Variants in NDUFAF6 observed in about 807,000 individuals in gnomAD.
NDUFAF6 encodes the protein NADH:ubiquinone oxidoreductase complex assembly factor 6.
NDUFAF6 carries 45 observed loss-of-function variants against 40.8 expected under a neutral mutation model. That is an observed-to-expected ratio of 1.10 (90% CI 0.87 to 1.42). The LOEUF (loss-of-function observed/expected upper bound fraction) is 1.42. Among genes scored for constraint, NDUFAF6 ranks in the 40% most tolerant of loss-of-function variants. The pLI is 0.00. For synonymous variants in NDUFAF6, 185 were observed against 155.9 expected (o/e 1.19, Z -1.39); for missense variants, 435 against 418.5 (o/e 1.04, Z -0.34).
At chr8:94,990,703 C>G (rs1826154382) in intron 2 of NDUFAF6, among the ~76,000 whole-genome samples, 1 of 152,208 alleles carries the variant, frequency 6.6e-6, no homozygotes, top group Non-Finnish European at 1.5e-5. Context: ...GAAAATAAAG[C>G]TGGCTTAAGA....
chr8:95,115,158 C>A (rs1333961711), intron 4 of NDUFAF6, among the ~76,000 whole-genome samples: 1 of 151,988 alleles, frequency 6.6e-6, no homozygotes, highest in Non-Finnish European at 1.5e-5. Flanking sequence ...TTCAAAAATT[C>A]TTTTTATGTT....
Position 95,025,074 on chromosome 8 carries a change from C to G in NDUFAF6, c.66C>G (p.Cys22Trp), listed in dbSNP as rs1307126894. 9.7e-6 allele frequency: 14 copies of G among 1,445,456 alleles called. No homozygotes were observed. The highest frequency in any genetic ancestry group is 1.3e-5 in the Non-Finnish European group (14 of 1,109,822). The allele number at this position is 1,445,456 out of a possible 1,614,324, so 89.5% of individuals were successfully genotyped here. The part of the protein sequence containing the change: ...PLRLGIPGLC[C>W]RRPPLGLYAR... ...GGCTTGGCATCCCCGGCCTGTGCTG[C>G]CGCCGGCCGCCTCTGGGTCTGTACG... The change falls in exon 1 of 9, where the codon TGC becomes TGG. Residue 22 changes from cysteine to tryptophan, a missense_variant. Transcript: ENST00000396124.
intron 1 of NDUFAF6, among the ~76,000 whole-genome samples, chr8:94,898,997 A>G (rs1266050992): frequency 1.3e-5 from 2 of 152,232 alleles, no homozygotes; most frequent in African/African-American, 4.8e-5. Context: ...GGAATAAAAC[A>G]TTTTCTTCCC....
At chr8:95,079,096 C>T (rs76487979), downstream of NDUFAF6, among the ~76,000 whole-genome samples, 6,780 of 151,958 alleles carry the variant, frequency 0.045, 472 homozygotes, top group African/African-American at 0.15. Flanking sequence ...CTCAGTCTCC[C>T]GAGCATCTGG....
chr8:95,097,861 A>C (rs1047158219), upstream of NDUFAF6, among the ~76,000 whole-genome samples: 1 of 152,352 alleles, frequency 6.6e-6, no homozygotes, highest in South Asian at 2.1e-4. Context: ...GATGACTGTC[A>C]GATACCTTGC....
At chr8:95,091,996 A>G (rs1378015213) in intron 2 of NDUFAF6, among the ~76,000 whole-genome samples, 1 of 151,618 alleles carries the variant, frequency 6.6e-6, no homozygotes, top group Admixed American at 6.6e-5. Context: ...GCCTAAGTGC[A>G]TGTTAACTGT....
chr8:95,058,305 C>G lies in NDUFAF6; in HGVS notation c.*368C>G, dbSNP rs574565286. ...CTGGGGAAGGAAAGGGGAAAGGGCT[C>G]AAGTTATCATAGGGGCTTACATGCT... On this transcript the variant is annotated 3_prime_UTR_variant, in exon 9 of 9. Coordinates refer to ENST00000396124, the MANE Select transcript of NDUFAF6 (RefSeq NM_152416.4). 3.1e-6 allele frequency: 4 copies of G among 1,280,644 alleles called. No homozygotes were observed. Among genetic ancestry groups the G allele is most frequent in the South Asian group, 3.2e-5 (1 of 31,704 alleles). 79.3% of individuals were successfully genotyped at this position (1,280,644 alleles called of 1,614,324 possible).
At position 95,057,844 on chromosome 8, in the gene NDUFAF6, A is replaced by G. The variant is rs757038063; in HGVS notation, c.909A>G (p.Arg303=). The part of the protein sequence containing the change: ...SLEDFLKKIQ[R]VDFDIFHPSL... ...AGGACTTTCTAAAGAAAATTCAGCGAGTGGATTTTGATATATTCCACCCAT... is the reference window on the plus strand; with the variant it reads ...AGGACTTTCTAAAGAAAATTCAGCGGGTGGATTTTGATATATTCCACCCAT... The change falls in exon 9 of 9, where the codon CGA becomes CGG. Residue 303 remains arginine (R), a synonymous_variant. Coordinates refer to ENST00000396124, the MANE Select transcript of NDUFAF6 (RefSeq NM_152416.4). 32 of 1,612,150 alleles carry G rather than the reference A, an allele frequency of 2.0e-5. 1 individual carries two copies. The South Asian group carries it at 3.5e-4, about 18-fold the overall frequency.
At chr8:95,099,572 C>T (rs780007635), upstream of NDUFAF6, among the ~76,000 whole-genome samples, 2 of 151,570 alleles carry the variant, frequency 1.3e-5, no homozygotes, top group African/African-American at 2.4e-5. Flanking sequence ...ATAGCAAGAG[C>T]CTATCTCAAA....
intron 2 of NDUFAF6, among the ~76,000 whole-genome samples, chr8:95,000,182 C>T (rs557477271): frequency 6.6e-6 from 1 of 151,964 alleles, no homozygotes; most frequent in Non-Finnish European, 1.5e-5. Context: ...ACAAAAAATA[C>T]AATAGTTAGC....
intron 2 of NDUFAF6, among the ~76,000 whole-genome samples, chr8:95,088,078 C>A (rs1278817211): frequency 6.6e-6 from 1 of 152,218 alleles, no homozygotes; most frequent in East Asian, 1.9e-4. Flanking sequence ...CTTGGGCCAC[C>A]TGCTCGCCAC....
At chr8:95,075,644 T>G (rs1233926127) in exon 10 of NDUFAF6, 2 of 1,288,442 alleles carry the variant, frequency 1.6e-6, no homozygotes, top group Non-Finnish European at 2.0e-6. Flanking sequence ...AAATTAAGGA[T>G]GCAGACACTC....
At chr8:94,917,783 A>G (rs770988939) in intron 1 of NDUFAF6, among the ~76,000 whole-genome samples, 5 of 152,236 alleles carry the variant, frequency 3.3e-5, no homozygotes, top group African/African-American at 1.2e-4. Flanking sequence ...GAATACATGC[A>G]TTAGTGTTTT....
chr8:95,099,364 AT>A (rs1215755812), upstream of NDUFAF6, among the ~76,000 whole-genome samples: 27 of 151,876 alleles, frequency 1.8e-4, no homozygotes, highest in Admixed American at 1.4e-3. Context: ...AAGAAAAAAA[AT>A]GGCCACTCTC....
Position 95,058,085 on chromosome 8 carries a change from C to T in NDUFAF6, c.*148C>T, listed in dbSNP as rs995964363. ...GTAGCTCACAAAATTGAGAAGTTGC[C>T]GTGGGACTAGGGTGCCAAGACTGCT... On this transcript the variant is annotated 3_prime_UTR_variant, in exon 9 of 9. Coordinates refer to ENST00000396124, the MANE Select transcript of NDUFAF6 (RefSeq NM_152416.4). 54 of 1,463,328 alleles carry T rather than the reference C, an allele frequency of 3.7e-5. No homozygotes were observed. Among genetic ancestry groups the T allele is most frequent in the Middle Eastern group, 2.5e-4 (1 of 4,016 alleles). 90.6% of individuals were successfully genotyped at this position (1,463,328 alleles called of 1,614,324 possible).
intron 2 of NDUFAF6, chr8:94,950,331 T>C (rs759814069): frequency 2.0e-5 from 3 of 152,290 alleles, no homozygotes; most frequent in African/African-American, 7.2e-5. Flanking sequence ...GTCCCACATA[T>C]AGGTGGATTA....
chr8:95,037,110 A>G (rs1322945732), intron 3 of NDUFAF6, among the ~76,000 whole-genome samples: 3 of 152,348 alleles, frequency 2.0e-5, no homozygotes, highest in Admixed American at 6.5e-5. Context: ...TTGAATATTT[A>G]TAATTTCTTA....
At chr8:94,897,831 C>T (rs1406751132) in intron 1 of NDUFAF6, among the ~76,000 whole-genome samples, 2 of 151,586 alleles carry the variant, frequency 1.3e-5, no homozygotes, top group Admixed American at 1.3e-4. Flanking sequence ...TCCAACTCGA[C>T]CTCGGAAATT....
chr8:95,113,828 A>G (rs1036083660), intron 4 of NDUFAF6, among the ~76,000 whole-genome samples: 2 of 152,180 alleles, frequency 1.3e-5, no homozygotes, highest in Non-Finnish European at 1.5e-5. Flanking sequence ...CCTAGGGGAC[A>G]GAGAGAGACT....
Sources: allele counts gnomAD v4.1 joint callset (sites outside exome capture counted in the v4.1 genomes callset), GRCh38; gene constraint gnomAD v4.1.1; transcripts MANE v1.5; gene names NCBI Gene and HGNC (gene_info 2026-07-23, HGNC 2026-07-21).